Variants in CSMD3 observed in about 807,000 individuals in gnomAD.
CSMD3 encodes the protein CUB and sushi domain-containing protein 3.
Under a neutral mutation model 435.2 loss-of-function variants are expected in CSMD3, and 177 were observed. The ratio of observed to expected loss-of-function variants is 0.41; its 90% confidence interval spans 0.36 to 0.46. The LOEUF (loss-of-function observed/expected upper bound fraction) is 0.46. Among genes scored for constraint, CSMD3 ranks in the 20% least tolerant of loss-of-function variants. CSMD3 has a pLI of 0.34. For synonymous variants in CSMD3, 1,656 were observed against 1,520.5 expected (o/e 1.09, Z -2.07); for missense variants, 4,265 against 4,504.6 (o/e 0.95, Z 1.52).
At chr8:113,265,794 T>C (rs1324349930) in intron 3 of CSMD3, among the ~76,000 whole-genome samples, 1 of 151,336 alleles carries the variant, frequency 6.6e-6, no homozygotes, top group Non-Finnish European at 1.5e-5. Context: ...AAGTCACTTG[T>C]GGATTAGGGT....
intron 1 of CSMD3, among the ~76,000 whole-genome samples, chr8:113,325,572 TCAGCAGGATGAA>T (rs2093978479): frequency 6.6e-6 from 1 of 152,202 alleles, no homozygotes; most frequent in African/African-American, 2.4e-5. Context: ...TATGTCTTTA[TCAGCAGGATGAA>T]AACAGACTAA....
chr8:112,413,652 G>T (rs1340996597), intron 32 of CSMD3, among the ~76,000 whole-genome samples: 1 of 152,122 alleles, frequency 6.6e-6, no homozygotes, highest in Non-Finnish European at 1.5e-5. Flanking sequence ...GCACTAAAAT[G>T]GGTTAGTGCT....
intron 32 of CSMD3, among the ~76,000 whole-genome samples, chr8:112,436,921 A>G (rs548731832): frequency 6.6e-6 from 1 of 152,208 alleles, no homozygotes; most frequent in African/African-American, 2.4e-5. Flanking sequence ...TGTGAATGCC[A>G]TTGTGAGAAG....
intron 10 of CSMD3, among the ~76,000 whole-genome samples, chr8:112,913,888 A>G (rs28437380): frequency 0.37 from 55,417 of 151,552 alleles, 10,279 homozygotes; most frequent in East Asian, 0.41. Flanking sequence ...TCGTCTTTGA[A>G]CGGAATGCAC....
In CSMD3 at chr8:112,311,095, T is replaced by C. The variant is rs537313221; in HGVS notation, c.7768A>G (p.Ser2590Gly). 1 of 1,614,038 alleles carries C rather than the reference T, an allele frequency of 6.2e-7. No individual in the cohort carries two copies. The highest frequency in any genetic ancestry group is 8.5e-7 in the Non-Finnish European group (1 of 1,179,962). Residue 2590 changes from serine (S) to glycine (G), a missense_variant, in exon 50 of 71, where the codon AGT becomes GGT. Coordinates refer to ENST00000297405, the MANE Select transcript of CSMD3 (RefSeq NM_198123.2). Reference sequence around the variant, plus strand: ...CGATCACAGGCCCAACGGACCACACTGTTAAGCTGCCCACCTGTCTGACTG... The same window carrying C: ...CGATCACAGGCCCAACGGACCACACCGTTAAGCTGCCCACCTGTCTGACTG... ...IISQTGGQLNSVVRWACDRGF... is the reference protein window; with the variant it reads ...IISQTGGQLNGVVRWACDRGF...
chr8:112,436,130 G>A (rs1814315731), intron 32 of CSMD3, among the ~76,000 whole-genome samples: 1 of 151,794 alleles, frequency 6.6e-6, no homozygotes, highest in Non-Finnish European at 1.5e-5. Context: ...GCTGTCCCCA[G>A]AGAAGATTAG....
chr8:112,632,589 G>A (rs977211466), intron 22 of CSMD3, among the ~76,000 whole-genome samples: 3 of 151,934 alleles, frequency 2.0e-5, no homozygotes, highest in African/African-American at 7.2e-5. Flanking sequence ...TCTTTCATTA[G>A]CTCGTTGTTT....
chr8:113,287,832 C>T (rs1286302966), intron 2 of CSMD3, among the ~76,000 whole-genome samples: 2 of 151,966 alleles, frequency 1.3e-5, no homozygotes, highest in Non-Finnish European at 2.9e-5. Flanking sequence ...TCCTGCAATT[C>T]TGCAAATTCT....
At chr8:112,502,113 C>T (rs1822027842) in intron 30 of CSMD3, among the ~76,000 whole-genome samples, 1 of 152,176 alleles carries the variant, frequency 6.6e-6, no homozygotes, top group Non-Finnish European at 1.5e-5. Context: ...GGTTTGCCTA[C>T]ATGGCCAGCT....
rs548434093 is a variant in CSMD3 at position 112,911,881 on chromosome 8, TGAG to T, written c.1633+9743_1633+9745del. Among the ~76,000 whole-genome samples, 713 of 126,912 alleles carry T rather than the reference TGAG, an allele frequency of 5.6e-3. 5 individuals are homozygous for T. Among genetic ancestry groups the T allele is most frequent in the African/African-American group, 0.02 (670 of 34,298 alleles). The allele number at this position is 126,912 out of a possible 152,430, so 83.3% of individuals were successfully genotyped here. A position where few individuals can be genotyped will look rare whatever the true frequency, so the allele number is the denominator to read the frequency against. On this transcript the variant is annotated intron_variant, in intron 10 of 70. Coordinates refer to ENST00000297405, the MANE Select transcript of CSMD3 (RefSeq NM_198123.2). ...GATATATCCATTATGTATAACATTA[TGAG>T]AAGAATATTAAATAACCAAATATAT...
At chr8:113,436,577 T>C in intron 1 of CSMD3, 100 bp downstream of exon 1, 1 of 1,058,646 alleles carries the variant, frequency 9.4e-7, no homozygotes, top group Non-Finnish European at 1.5e-6. Context: ...TATCAGATTA[T>C]TTTATCGGTG....
At chr8:113,386,891 T>C (rs1430462407) in intron 1 of CSMD3, among the ~76,000 whole-genome samples, 2 of 151,828 alleles carry the variant, frequency 1.3e-5, no homozygotes, top group East Asian at 3.9e-4. Flanking sequence ...GAAGAAAATA[T>C]GATCCAAAAT....
At chr8:112,396,803 G>A (rs143542132) in intron 35 of CSMD3, among the ~76,000 whole-genome samples, 8 of 152,266 alleles carry the variant, frequency 5.3e-5, no homozygotes, top group East Asian at 1.9e-4. Flanking sequence ...AATACAGTTC[G>A]ATGGTTGCTG....
chr8:113,217,133 TAA>T (rs2092914588), intron 3 of CSMD3, among the ~76,000 whole-genome samples: 1 of 151,390 alleles, frequency 6.6e-6, no homozygotes. Context: ...CTCTTGGAAA[TAA>T]AGAGAAAAGA....
chr8:113,220,200 G>A (rs556519063), intron 3 of CSMD3, among the ~76,000 whole-genome samples: 1 of 151,520 alleles, frequency 6.6e-6, no homozygotes, highest in Admixed American at 6.6e-5. Flanking sequence ...TTTGATGAAA[G>A]AGCCCAGCCA....
intron 1 of CSMD3, among the ~76,000 whole-genome samples, chr8:113,348,735 G>A (rs944778132): frequency 6.6e-6 from 1 of 151,814 alleles, no homozygotes; most frequent in African/African-American, 2.4e-5. Context: ...TGTTGTTTTG[G>A]GGTTTTTTTA....
At chr8:112,467,389 C>A (rs1275468979) in intron 32 of CSMD3, among the ~76,000 whole-genome samples, 1 of 152,110 alleles carries the variant, frequency 6.6e-6, no homozygotes, top group Non-Finnish European at 1.5e-5. Flanking sequence ...ATTAAGTCAC[C>A]ATCGACTATA....
At chr8:112,882,832 A>T (rs1363169942) in intron 10 of CSMD3, among the ~76,000 whole-genome samples, 1 of 152,060 alleles carries the variant, frequency 6.6e-6, no homozygotes, top group Non-Finnish European at 1.5e-5. Context: ...GCCCATAAAC[A>T]GGTTAAAGAC....
chr8:113,179,673 A>G (rs1040504386), intron 3 of CSMD3, among the ~76,000 whole-genome samples: 1 of 151,866 alleles, frequency 6.6e-6, no homozygotes, highest in African/African-American at 2.4e-5. Context: ...AGGCTAAAAA[A>G]TCCAGATAAT....
Sources: allele counts gnomAD v4.1 joint callset (sites outside exome capture counted in the v4.1 genomes callset), GRCh38; gene constraint gnomAD v4.1.1; transcripts MANE v1.5; gene names NCBI Gene and HGNC (gene_info 2026-07-23, HGNC 2026-07-21).